Variants in NCAM2 observed in about 807,000 individuals in gnomAD.
The protein encoded by NCAM2 is N-CAM-2.
In NCAM2, 30 loss-of-function variants were observed where a neutral mutation model predicts 98.1. The observed-to-expected ratio is 0.31, with a 90% CI of 0.23 to 0.41. The LOEUF is 0.41. Among genes scored for constraint, NCAM2 ranks in the 10% least tolerant of loss-of-function variants. The probability of loss-of-function intolerance (pLI) is 1.00; values close to 1 mark genes in which losing one functional copy is unlikely to be tolerated. For synonymous variants in NCAM2, 368 were observed against 342.4 expected, an observed-to-expected ratio of 1.07 and a Z score of -0.83; for missense variants, 867 against 1,005.8, an observed-to-expected ratio of 0.86 and a Z score of 1.87.
At chr21:21,032,066 A>G (rs1351059758) in intron 1 of NCAM2, among the ~76,000 whole-genome samples, 1 of 152,184 alleles carries the variant, frequency 6.6e-6, no homozygotes, top group Non-Finnish European at 1.5e-5. Flanking sequence ...AGGCACCACT[A>G]TTATGCCATC....
chr21:21,098,276 C>T (rs2060431209), intron 1 of NCAM2, among the ~76,000 whole-genome samples: 2 of 151,520 alleles, frequency 1.3e-5, no homozygotes, highest in South Asian at 4.2e-4. Flanking sequence ...CTTGGTATTA[C>T]TATGTAAACC....
chr21:21,017,535 A>G (rs892767213), intron 1 of NCAM2, among the ~76,000 whole-genome samples: 2 of 151,778 alleles, frequency 1.3e-5, no homozygotes, highest in Non-Finnish European at 2.9e-5. Flanking sequence ...GAGGCAAGTT[A>G]TATATCGAAG....
intron 16 of NCAM2, among the ~76,000 whole-genome samples, chr21:21,516,048 C>T (rs1204783199): frequency 1.3e-5 from 2 of 152,024 alleles, no homozygotes; most frequent in South Asian, 2.1e-4. Context: ...AGAAGCATAC[C>T]GTATGTCCAT....
intron 1 of NCAM2, among the ~76,000 whole-genome samples, chr21:21,271,718 A>G (rs1382100536): frequency 6.6e-6 from 1 of 152,184 alleles, no homozygotes; most frequent in East Asian, 1.9e-4. Context: ...GAGTTCTAAT[A>G]AATAAGGAAC....
chr21:21,386,450 TG>T (rs2076273383), intron 9 of NCAM2, among the ~76,000 whole-genome samples: 1 of 152,160 alleles, frequency 6.6e-6, no homozygotes, highest in Admixed American at 6.6e-5. Context: ...TTCTACTGCC[TG>T]CAACTATTTA....
chr21:21,010,219 C>T (rs2064183631), intron 1 of NCAM2, among the ~76,000 whole-genome samples: 1 of 151,776 alleles, frequency 6.6e-6, no homozygotes, highest in Admixed American at 6.6e-5. Context: ...ATTTCAAAGC[C>T]CCCTCATACA....
intron 8 of NCAM2, among the ~76,000 whole-genome samples, chr21:21,362,076 T>G (rs2075660959): frequency 6.6e-6 from 1 of 152,150 alleles, no homozygotes. Context: ...GTTACTGCCT[T>G]GGCCGAAACC....
At chr21:21,049,408 A>G (rs2065062793) in intron 1 of NCAM2, among the ~76,000 whole-genome samples, 1 of 152,178 alleles carries the variant, frequency 6.6e-6, no homozygotes, top group South Asian at 2.1e-4. Flanking sequence ...TAGGCTTCTA[A>G]TTACATGTTT....
At chr21:21,068,561 G>A (rs2065492208) in intron 1 of NCAM2, among the ~76,000 whole-genome samples, 1 of 149,832 alleles carries the variant, frequency 6.7e-6, no homozygotes, top group Non-Finnish European at 1.5e-5. Flanking sequence ...CCAGGTTCAC[G>A]CGATTCTTCT....
At chr21:21,161,752 C>G (rs1163177495) in intron 1 of NCAM2, among the ~76,000 whole-genome samples, 23 of 151,980 alleles carry the variant, frequency 1.5e-4, no homozygotes, top group Admixed American at 1.5e-3. Flanking sequence ...AATATATATG[C>G]AAACTCCATA....
At chr21:21,401,011 G>T (rs1358382419) in intron 9 of NCAM2, among the ~76,000 whole-genome samples, 3 of 151,814 alleles carry the variant, frequency 2.0e-5, no homozygotes, top group Non-Finnish European at 4.4e-5. Flanking sequence ...ATTCTTTAAA[G>T]AAAAGAAAAA....
intron 1 of NCAM2, among the ~76,000 whole-genome samples, chr21:21,029,872 C>T (rs6417710): frequency 0.46 from 70,271 of 151,898 alleles, 16,550 homozygotes; most frequent in Admixed American, 0.5. Context: ...CCTCGTGATT[C>T]GCCCGCCTGA....
chr21:21,294,256 A>G (rs1268502848), intron 5 of NCAM2, among the ~76,000 whole-genome samples: 2 of 151,798 alleles, frequency 1.3e-5, no homozygotes, highest in East Asian at 1.9e-4. Context: ...TTATTCAGGT[A>G]TGAATATTCT....
At chr21:21,311,081 C>T (rs1200902805) in intron 5 of NCAM2, among the ~76,000 whole-genome samples, 1 of 152,138 alleles carries the variant, frequency 6.6e-6, no homozygotes, top group African/African-American at 2.4e-5. Flanking sequence ...ATTTGCCTTC[C>T]ATTGAAAGTT....
intron 15 of NCAM2, among the ~76,000 whole-genome samples, chr21:21,506,607 TA>T (rs959934897): frequency 8.6e-5 from 13 of 151,192 alleles, no homozygotes; most frequent in East Asian, 3.9e-4. Flanking sequence ...TTTTGCAAAC[TA>T]AAAAAAAATA....
At chr21:21,233,370 TTACTGA>T (rs893555991) in intron 1 of NCAM2, among the ~76,000 whole-genome samples, 5 of 151,700 alleles carry the variant, frequency 3.3e-5, no homozygotes, top group African/African-American at 1.2e-4. Flanking sequence ...TGGAGTTCCC[TTACTGA>T]TGACCTCTCA....
chr21:21,057,228 C>T (rs568063827), intron 1 of NCAM2, among the ~76,000 whole-genome samples: 4 of 151,962 alleles, frequency 2.6e-5, no homozygotes, highest in Non-Finnish European at 5.9e-5. Flanking sequence ...AAAGAATTCA[C>T]AACAGCAGTT....
chr21:21,275,522 C>A (rs2072697143), intron 1 of NCAM2, among the ~76,000 whole-genome samples: 1 of 151,764 alleles, frequency 6.6e-6, no homozygotes, highest in Non-Finnish European at 1.5e-5. Context: ...ATTTTCCCCT[C>A]CATTAACTGA....
intron 1 of NCAM2, among the ~76,000 whole-genome samples, chr21:21,166,858 A>T (rs2067967741): frequency 6.6e-6 from 1 of 152,178 alleles, no homozygotes; most frequent in Admixed American, 6.5e-5. Flanking sequence ...GTCTTTCAAC[A>T]TATTGCATCT....
Sources: allele counts gnomAD v4.1 joint callset (sites outside exome capture counted in the v4.1 genomes callset), GRCh38; gene constraint gnomAD v4.1.1; transcripts MANE v1.5; gene names NCBI Gene and HGNC (gene_info 2026-07-23, HGNC 2026-07-21).